Variants in SLC1A3 observed in about 807,000 individuals in gnomAD.
The protein encoded by SLC1A3 is excitatory amino acid transporter 1.
A neutral mutation model predicts 48.1 loss-of-function variants in SLC1A3; 21 were observed. The observed-to-expected ratio is 0.44, with a 90% CI of 0.31 to 0.63. The LOEUF (loss-of-function observed/expected upper bound fraction) is 0.63, where lower values mean the gene tolerates loss of function less well. Ranked by LOEUF, SLC1A3 falls within the 20% of genes least tolerant of loss-of-function variation. The pLI is 0.08. For missense variants in SLC1A3, 546 were observed against 689.0 expected, an observed-to-expected ratio of 0.79 and a Z score of 2.32; for synonymous variants, 239 against 251.4, an observed-to-expected ratio of 0.95 and a Z score of 0.47.
chr5:36,628,681 T>C (rs958068301), intron 2 of SLC1A3, among the ~76,000 whole-genome samples: 1 of 152,230 alleles, frequency 6.6e-6, no homozygotes, highest in Non-Finnish European at 1.5e-5. Context: ...GTAGTTATCA[T>C]GCATAATTTG....
chr5:36,678,665 G>A (rs1293728783), intron 6 of SLC1A3, among the ~76,000 whole-genome samples: 1 of 152,186 alleles, frequency 6.6e-6, no homozygotes, highest in Non-Finnish European at 1.5e-5. Context: ...TTTGGTTGTA[G>A]TTTGCTGCAC....
intron 8 of SLC1A3, 59 bp downstream of exon 8, chr5:36,680,648 T>TG: frequency 7.0e-7 from 1 of 1,428,862 alleles, no homozygotes; most frequent in South Asian, 1.1e-5. Flanking sequence ...CTGGGCGTGG[T>TG]GGCTCACGCC....
intron 3 of SLC1A3, among the ~76,000 whole-genome samples, chr5:36,664,812 C>A (rs1160662872): frequency 6.6e-6 from 1 of 152,190 alleles, no homozygotes; most frequent in Non-Finnish European, 1.5e-5. Flanking sequence ...ATAGCAGTTA[C>A]TTCTATAGGC....
At chr5:36,640,848 C>A (rs181143319) in intron 3 of SLC1A3, among the ~76,000 whole-genome samples, 78 of 152,096 alleles carry the variant, frequency 5.1e-4, no homozygotes, top group Admixed American at 1.2e-3. Context: ...ACTGCCACCC[C>A]CACCTACACC....
chr5:36,606,065 C>T (rs1276096867), upstream of SLC1A3, among the ~76,000 whole-genome samples: 1 of 152,228 alleles, frequency 6.6e-6, no homozygotes, highest in East Asian at 1.9e-4. Flanking sequence ...GAAGTTTCAA[C>T]TGCTGAAATA....
chr5:36,682,975 A>G (rs2111979233), intron 8 of SLC1A3, among the ~76,000 whole-genome samples: 1 of 152,262 alleles, frequency 6.6e-6, no homozygotes, highest in Middle Eastern at 3.4e-3. Context: ...TTTATAAAAC[A>G]TTTGCTTTGC....
intron 3 of SLC1A3, among the ~76,000 whole-genome samples, chr5:36,631,850 G>C (rs1430426170): frequency 6.6e-6 from 1 of 152,214 alleles, no homozygotes; most frequent in African/African-American, 2.4e-5. Flanking sequence ...AGCTATAATG[G>C]GAAGGGAGGA....
intron 6 of SLC1A3, among the ~76,000 whole-genome samples, chr5:36,678,883 TTAA>T (rs1742320747): frequency 6.6e-6 from 1 of 152,214 alleles, no homozygotes; most frequent in Non-Finnish European, 1.5e-5. Context: ...ATTATTAAGT[TTAA>T]TAATGAATTT....
intron 1 of SLC1A3, among the ~76,000 whole-genome samples, chr5:36,597,148 GA>G (rs371361519): frequency 3.5e-5 from 5 of 143,502 alleles, no homozygotes; most frequent in African/African-American, 1.3e-4. Context: ...CCAGGTACTA[GA>G]AAAAAGACTA....
At chr5:36,643,853 G>A (rs1355939389) in intron 3 of SLC1A3, among the ~76,000 whole-genome samples, 1 of 151,982 alleles carries the variant, frequency 6.6e-6, no homozygotes, top group Non-Finnish European at 1.5e-5. Context: ...AAATAGCCAG[G>A]CGTGGTGGCA....
chr5:36,674,734 T>C (rs1389250274), intron 5 of SLC1A3, among the ~76,000 whole-genome samples: 1 of 152,150 alleles, frequency 6.6e-6, no homozygotes, highest in Non-Finnish European at 1.5e-5. Flanking sequence ...AAGTAGTAAG[T>C]GGGAAGACTC....
At chr5:36,672,474 T>C (rs1742037455) in intron 4 of SLC1A3, among the ~76,000 whole-genome samples, 1 of 152,186 alleles carries the variant, frequency 6.6e-6, no homozygotes, top group Non-Finnish European at 1.5e-5. Context: ...ACTAGCTCTT[T>C]CCTCCCAGCT....
At position 36,676,936 on chromosome 5, in the gene SLC1A3, G is replaced by A; in HGVS notation, c.612G>A (p.Gln204=). The change falls in exon 6 of 10, where the codon CAG becomes CAA. Residue 204 remains glutamine, a synonymous_variant. Coordinates refer to ENST00000265113, the MANE Select transcript of SLC1A3 (RefSeq NM_004172.5). ...AGAGAAGCTTTAAAGTGCCCATCCA[G>A]GCCAACGAAACGCTTGTGGGTGCTG... ...YEKRSFKVPI[Q]ANETLVGAVI... is the part of the protein sequence containing the mutation. The A allele has an allele frequency of 6.2e-7, 1 of 1,613,960 alleles. No homozygotes were observed. Among genetic ancestry groups the A allele is most frequent in the South Asian group, 1.1e-5 (1 of 91,070 alleles).
At chr5:36,676,859 C>T in intron 5 of SLC1A3, 33 bp from the exon 6 acceptor site, 1 of 1,539,406 alleles carries the variant, frequency 6.5e-7, no homozygotes, top group Non-Finnish European at 8.9e-7. Context: ...ATAAAAATCA[C>T]CTTTAATCCT....
intron 2 of SLC1A3, among the ~76,000 whole-genome samples, chr5:36,623,014 C>CAAAA (rs1158762437): frequency 1.5e-4 from 8 of 51,882 alleles, no homozygotes; most frequent in Non-Finnish European, 2.1e-4. Flanking sequence ...TCCATCATCT[C>CAAAA]AAAAAAAAAA....
At chr5:36,638,556 T>G (rs188497974) in intron 3 of SLC1A3, among the ~76,000 whole-genome samples, 18 of 152,352 alleles carry the variant, frequency 1.2e-4, no homozygotes, top group Admixed American at 7.2e-4. Flanking sequence ...CAGCACATGC[T>G]GTCATGCTCC....
intron 3 of SLC1A3, among the ~76,000 whole-genome samples, chr5:36,665,427 T>C (rs979788254): frequency 6.6e-6 from 1 of 152,220 alleles, no homozygotes; most frequent in African/African-American, 2.4e-5. Flanking sequence ...AACAAAACTG[T>C]CCTTTATCAA....
chr5:36,611,572 G>T (rs1208838857), intron 2 of SLC1A3, among the ~76,000 whole-genome samples: 8 of 152,144 alleles, frequency 5.3e-5, no homozygotes, highest in Admixed American at 2.0e-4. Context: ...GTCTGAATGT[G>T]CCATGCCATG....
chr5:36,603,486 G>C (rs1369439620), upstream of SLC1A3, among the ~76,000 whole-genome samples: 1 of 152,194 alleles, frequency 6.6e-6, no homozygotes, highest in Non-Finnish European at 1.5e-5. Context: ...ATGTGATAAA[G>C]TTAATTTTAG....
Sources: allele counts gnomAD v4.1 joint callset (sites outside exome capture counted in the v4.1 genomes callset), GRCh38; gene constraint gnomAD v4.1.1; transcripts MANE v1.5; gene names NCBI Gene and HGNC (gene_info 2026-07-23, HGNC 2026-07-21).